The following KLHL18 variants were observed in gnomAD, a reference collection of about 807,000 sequenced individuals.
KLHL18 encodes kelch like family member 18, also known as kelch-like protein 18.
In KLHL18, 38 loss-of-function variants were observed where a neutral mutation model predicts 58.5. The observed-to-expected ratio is 0.65, with a 90% CI of 0.50 to 0.85. The LOEUF (loss-of-function observed/expected upper bound fraction) is 0.85, where lower values mean the gene tolerates loss of function less well. Among genes scored for constraint, KLHL18 ranks in the 40% least tolerant of loss-of-function variants. The probability of loss-of-function intolerance (pLI) is 0.00; values close to 1 mark genes in which losing one functional copy is unlikely to be tolerated. For missense variants in KLHL18, 624 were observed against 778.4 expected, an observed-to-expected ratio of 0.80 and a Z score of 2.36; for synonymous variants, 303 against 301.9, an observed-to-expected ratio of 1.00 and a Z score of -0.04.
chr3:47,283,184 A>G, intron 1 of KLHL18, 90 bp downstream of exon 1: 2 of 366,230 alleles, frequency 5.5e-6, no homozygotes, highest in Non-Finnish European at 4.3e-6. Context: ...GAGGTCTAGC[A>G]GGGAGAGGGG....
At position 47,334,809 on chromosome 3, in the gene KLHL18, C is replaced by T. The variant is rs1703947885; in HGVS notation, c.888C>T (p.Leu296=). ...GACTTATCTACGCTGTAGGGGGCCT[C>T]AACTCAGCAGGTACCTTGCGGCTCC... is the stretch of plus-strand genomic sequence containing the variant. The part of the protein sequence containing the change: ...IAGLIYAVGG[L]NSAGDSLNVV... The change falls in exon 6 of 10, where the codon CTC becomes CTT. Residue 296 remains leucine (L), a synonymous_variant. Coordinates refer to ENST00000232766, the MANE Select transcript of KLHL18 (RefSeq NM_025010.5). The surrounding 1 kb of genome is among the most constrained non-coding windows in gnomAD (Gnocchi z 4.7). 2 of 1,613,076 alleles carry T rather than the reference C, an allele frequency of 1.2e-6. No individual in the cohort carries two copies. Among genetic ancestry groups the T allele is most frequent in the East Asian group, 4.5e-5 (2 of 44,852 alleles).
rs937472749 is a variant in KLHL18, at chr3:47,319,564, C to T, written c.130-89C>T. 12 of 1,436,442 alleles carry T rather than the reference C, an allele frequency of 8.4e-6. No homozygotes were observed. The African/African-American group carries it at 1.1e-4, about 14-fold the overall frequency. The allele number at this position is 1,436,442 out of a possible 1,614,324, so 89.0% of individuals were successfully genotyped here. ...TGGGCAGTGGGGTATGCTGTGGAGC[C>T]GGGCGGAGGGGCAGGGTGGGTTTTT... is the stretch of plus-strand genomic sequence containing the variant. On this transcript the variant is annotated intron_variant, in intron 1 of 9. Transcript: ENST00000232766.
intron 1 of KLHL18, among the ~76,000 whole-genome samples, chr3:47,317,609 A>G (rs1165828691): frequency 6.6e-6 from 1 of 152,212 alleles, no homozygotes; most frequent in Non-Finnish European, 1.5e-5. Context: ...CCAGAGTTTT[A>G]TGCTCTAGGG....
chr3:47,286,191 C>T (rs903649024), intron 1 of KLHL18, among the ~76,000 whole-genome samples: 5 of 152,120 alleles, frequency 3.3e-5, no homozygotes, highest in East Asian at 1.9e-4. Context: ...CTAGTATAAA[C>T]GCATGGGCTA....
intron 6 of KLHL18, among the ~76,000 whole-genome samples, chr3:47,335,559 G>A (rs1187447726): frequency 6.6e-6 from 1 of 152,158 alleles, no homozygotes; most frequent in Non-Finnish European, 1.5e-5. Flanking sequence ...TCAGGCTGGA[G>A]TGCAGTGGCG....
chr3:47,331,849 T>A (rs295448), intron 4 of KLHL18, among the ~76,000 whole-genome samples: 145,463 of 151,940 alleles, frequency 0.96, 69,969 homozygotes, highest in East Asian at 1. Flanking sequence ...AGAGCAGTTG[T>A]TGGAATGATG....
chr3:47,299,122 G>A (rs1427387883), intron 1 of KLHL18, among the ~76,000 whole-genome samples: 3 of 152,206 alleles, frequency 2.0e-5, no homozygotes, highest in Non-Finnish European at 4.4e-5. Flanking sequence ...TTCCAGAGTA[G>A]CGATATCATT....
chr3:47,329,289 G>A (rs947802909), intron 3 of KLHL18, among the ~76,000 whole-genome samples: 1 of 151,992 alleles, frequency 6.6e-6, no homozygotes, highest in African/African-American at 2.4e-5. Context: ...GTGCAGTGGC[G>A]CAGTCTCGGC....
At chr3:47,302,368 C>A (rs1332839212) in intron 1 of KLHL18, among the ~76,000 whole-genome samples, 1 of 152,062 alleles carries the variant, frequency 6.6e-6, no homozygotes, top group Non-Finnish European at 1.5e-5. Context: ...ACCTGTAGTC[C>A]CAGCTACTCA....
intron 3 of KLHL18, among the ~76,000 whole-genome samples, chr3:47,324,658 C>A (rs947092402): frequency 6.6e-6 from 1 of 151,886 alleles, no homozygotes; most frequent in Non-Finnish European, 1.5e-5. Context: ...CAGAGCAAGA[C>A]CCTGTCTCTA....
At chr3:47,313,842 T>C (rs1229006066) in intron 1 of KLHL18, among the ~76,000 whole-genome samples, 1 of 152,180 alleles carries the variant, frequency 6.6e-6, no homozygotes, top group Non-Finnish European at 1.5e-5. Flanking sequence ...AATAGCTACC[T>C]GACATTGGGT....
chr3:47,342,246 G>C (rs1004323939), intron 8 of KLHL18, among the ~76,000 whole-genome samples: 9 of 152,192 alleles, frequency 5.9e-5, no homozygotes, highest in Non-Finnish European at 1.0e-4. Flanking sequence ...TGCCTGTAAA[G>C]AGGCTGTTGC....
In KLHL18 at chr3:47,329,151, A is replaced by G. The variant is rs535677855; in HGVS notation, c.402-800A>G. Among the ~76,000 whole-genome samples, 3 of 11,954 alleles carry G rather than the reference A, an allele frequency of 2.5e-4. No homozygotes were observed. The Middle Eastern group carries it at 0.21, about 854-fold the overall frequency. 7.8% of individuals were successfully genotyped at this position (11,954 alleles called of 152,430 possible). A position where few individuals can be genotyped will look rare whatever the true frequency, so the allele number is the denominator to read the frequency against. On this transcript the variant is annotated intron_variant, in intron 3 of 9. Coordinates refer to ENST00000232766, the MANE Select transcript of KLHL18 (RefSeq NM_025010.5). ...CTCAAAAAAGAAAAAAAAGGAAAAA[A>G]AAAGACAAGTATAAGAGTTCCCATA...
chr3:47,309,955 G>A (rs891606622), intron 1 of KLHL18, among the ~76,000 whole-genome samples: 3 of 150,792 alleles, frequency 2.0e-5, no homozygotes, highest in Admixed American at 1.3e-4. Context: ...GTCCAGCTTC[G>A]GCTCGGCATC....
intron 6 of KLHL18, among the ~76,000 whole-genome samples, chr3:47,335,885 A>G (rs1332706008): frequency 6.6e-6 from 1 of 152,194 alleles, no homozygotes; most frequent in Admixed American, 6.5e-5. Flanking sequence ...TGGAACAGGT[A>G]AATCCTCAAC....
chr3:47,336,471 C>G (rs1703986906), intron 6 of KLHL18, 64 bp from the exon 7 acceptor site: 2 of 1,373,832 alleles, frequency 1.5e-6, no homozygotes, highest in Non-Finnish European at 2.0e-6. Context: ...AATCAATGCC[C>G]AATAGCTGTG....
chr3:47,306,161 A>C (rs1703144575), intron 1 of KLHL18, among the ~76,000 whole-genome samples: 1 of 151,734 alleles, frequency 6.6e-6, no homozygotes, highest in Admixed American at 6.6e-5. Flanking sequence ...GACTTTTCTA[A>C]TGTAAGCATT....
At chr3:47,305,444 C>G (rs946032318) in intron 1 of KLHL18, among the ~76,000 whole-genome samples, 2 of 149,040 alleles carry the variant, frequency 1.3e-5, no homozygotes, top group Admixed American at 6.9e-5. Context: ...TTAAGTCTGC[C>G]TTAACCCGGA....
rs924873287 is a variant in KLHL18 at position 47,334,587 on chromosome 3, C to T, written c.762-96C>T. ...CAGAAGGCTTCTCCTCCCAGGTTTC[C>T]CCTGCAGTTGGCAGTGGAGAGCCAG... On this transcript the variant is annotated intron_variant, in intron 5 of 9. Coordinates refer to ENST00000232766, the MANE Select transcript of KLHL18 (RefSeq NM_025010.5). This position sits in a 1 kb window ranked among gnomAD's most constrained non-coding sequence, Gnocchi z 4.7. The T allele has an allele frequency of 6.3e-6, 9 of 1,437,282 alleles. No individual in the cohort carries two copies. The East Asian group carries it at 6.9e-5, about 11-fold the overall frequency. The allele number at this position is 1,437,282 out of a possible 1,614,324, so 89.0% of individuals were successfully genotyped here.
Sources: allele counts gnomAD v4.1 joint callset (sites outside exome capture counted in the v4.1 genomes callset), GRCh38; gene constraint gnomAD v4.1.1; non-coding constraint Gnocchi (gnomAD v3.1); transcripts MANE v1.5; gene names NCBI Gene and HGNC (gene_info 2026-07-23, HGNC 2026-07-21).